ZNF138: variants seen among roughly 807,000 people sequenced by gnomAD.
The protein encoded by ZNF138 is zinc finger protein 138 (clone pHZ-32).
A neutral mutation model predicts 33.0 loss-of-function variants in ZNF138; 33 were observed. The observed-to-expected ratio is 1.00, with a 90% CI of 0.76 to 1.34. ZNF138 has a LOEUF of 1.34. Among genes scored for constraint, ZNF138 ranks in the 40% most tolerant of loss-of-function variants. The pLI, the probability that ZNF138 is intolerant of heterozygous loss-of-function variation, is 0.00. For missense variants in ZNF138, 360 were observed against 370.8 expected, an observed-to-expected ratio of 0.97 and a Z score of 0.24; for synonymous variants, 139 against 120.4, an observed-to-expected ratio of 1.15 and a Z score of -1.01.
the ZNF138 span, chr7:64,852,536 C>A: frequency 6.4e-7 from 1 of 1,573,082 alleles, no homozygotes; most frequent in Non-Finnish European, 8.7e-7. Flanking sequence ...GTGGTCTTCA[C>A]CATATTTGGG....
At chr7:64,827,820 C>A (rs899296417) in intron 3 of ZNF138, among the ~76,000 whole-genome samples, 6 of 151,936 alleles carry the variant, frequency 3.9e-5, no homozygotes, top group African/African-American at 9.7e-5. Flanking sequence ...AATTTTATAC[C>A]TGTGAGTTAG....
chr7:64,817,230 A>C (rs2129003496), intron 3 of ZNF138, among the ~76,000 whole-genome samples: 1 of 152,128 alleles, frequency 6.6e-6, no homozygotes. Flanking sequence ...CAAGGTCTGC[A>C]GGCCTGCCTG....
chr7:64,821,329 T>C (rs1789130482), intron 3 of ZNF138, among the ~76,000 whole-genome samples: 1 of 151,328 alleles, frequency 6.6e-6, no homozygotes, highest in African/African-American at 2.5e-5. Flanking sequence ...GACATTGTGA[T>C]CCACCCACCT....
chr7:64,811,292 G>C (rs995152362), intron 1 of ZNF138, among the ~76,000 whole-genome samples: 1 of 152,186 alleles, frequency 6.6e-6, no homozygotes, highest in Non-Finnish European at 1.5e-5. Flanking sequence ...AGTCCCTTCA[G>C]CACATAGTAC....
At chr7:64,798,906 C>G (rs1270611087) in intron 1 of ZNF138, among the ~76,000 whole-genome samples, 1 of 138,460 alleles carries the variant, frequency 7.2e-6, no homozygotes, top group Non-Finnish European at 1.5e-5. Context: ...GTTCTATGAG[C>G]CTTTTTTTTT....
chr7:64,797,572 C>T (rs62456797), intron 1 of ZNF138, among the ~76,000 whole-genome samples: 6,650 of 152,104 alleles, frequency 0.044, 208 homozygotes, highest in East Asian at 0.14. Flanking sequence ...CTGCGGATGT[C>T]GGAGCCTGCT....
At chr7:64,794,911 G>T (rs1487136847) in intron 1 of ZNF138, among the ~76,000 whole-genome samples, 1 of 152,116 alleles carries the variant, frequency 6.6e-6, no homozygotes, top group Non-Finnish European at 1.5e-5. Flanking sequence ...ATGGGAAGAG[G>T]TTTCCTCCGC....
intron 1 of ZNF138, among the ~76,000 whole-genome samples, chr7:64,806,526 G>C (rs1787612654): frequency 6.6e-6 from 1 of 152,116 alleles, no homozygotes; most frequent in African/African-American, 2.4e-5. Context: ...CACCCATCCA[G>C]TACCTAAATT....
At chr7:64,849,632 T>A in the ZNF138 span, among the ~76,000 whole-genome samples, 1 of 151,336 alleles carries the variant, frequency 6.6e-6, no homozygotes, top group Non-Finnish European at 1.5e-5. Context: ...CAGTGGGAAG[T>A]GGGGGTGTGG....
intron 1 of ZNF138, among the ~76,000 whole-genome samples, chr7:64,804,656 C>G (rs1188454322): frequency 6.6e-6 from 1 of 152,152 alleles, no homozygotes; most frequent in Non-Finnish European, 1.5e-5. Flanking sequence ...TGGCACATGC[C>G]TGTAATCCCA....
chr7:64,836,105 A>G (rs1050097752), downstream of ZNF138: 1 of 152,158 alleles, frequency 6.6e-6, no homozygotes, highest in Non-Finnish European at 1.5e-5. Context: ...GTCTGGTTAC[A>G]CCAAGAGGCA....
intron 3 of ZNF138, among the ~76,000 whole-genome samples, chr7:64,817,604 T>C (rs1456883536): frequency 6.6e-6 from 1 of 152,188 alleles, no homozygotes; most frequent in Non-Finnish European, 1.5e-5. Context: ...GAATGTACCA[T>C]GTAGCTGTCA....
At chr7:64,815,432 A>G in intron 2 of ZNF138, 144 bp from the exon 3 acceptor site, 1 of 575,928 alleles carries the variant, frequency 1.7e-6, no homozygotes, top group Non-Finnish European at 2.8e-6. Context: ...TTTCTGTTAT[A>G]TATTAGCATT....
chr7:64,854,280 G>A, the ZNF138 span, among the ~76,000 whole-genome samples: 1 of 152,194 alleles, frequency 6.6e-6, no homozygotes, highest in South Asian at 2.1e-4. Context: ...TCACTTCATT[G>A]CTCTGGCTGA....
At position 64,832,696 on chromosome 7, in the gene ZNF138, A is replaced by G; in HGVS notation, c.*494A>G. On this transcript the variant is annotated 3_prime_UTR_variant, in exon 4 of 4. Coordinates refer to ENST00000307355, the MANE Select transcript of ZNF138 (RefSeq NM_001271639.2). The stretch of plus-strand genomic sequence containing the variant: ...TGTGAACAGTGTGGCAAGGTCTTTA[A>G]GAAGTCCTCAACTCTTACTGCACAT... The G allele has an allele frequency of 2.3e-6, 1 of 431,348 alleles. No individual in the cohort carries two copies. Among genetic ancestry groups the G allele is most frequent in the Non-Finnish European group, 4.6e-6 (1 of 215,984 alleles). The allele number at this position is 431,348 out of a possible 1,614,324, so 26.7% of individuals were successfully genotyped here. A position where few individuals can be genotyped will look rare whatever the true frequency, so the allele number is the denominator to read the frequency against.
chr7:64,811,097 C>CT (rs1287960334), intron 1 of ZNF138, among the ~76,000 whole-genome samples: 2 of 152,114 alleles, frequency 1.3e-5, no homozygotes, highest in Non-Finnish European at 2.9e-5. Flanking sequence ...TCCCTCTCCT[C>CT]TGTCTATATT....
intron 1 of ZNF138, among the ~76,000 whole-genome samples, chr7:64,803,306 C>T (rs1028431538): frequency 2.2e-5 from 3 of 137,916 alleles, no homozygotes; most frequent in African/African-American, 8.0e-5. Flanking sequence ...AAGGTAGACA[C>T]AGATTTGTTT....
intron 1 of ZNF138, among the ~76,000 whole-genome samples, chr7:64,802,799 G>T (rs1200822908): frequency 3.3e-5 from 5 of 151,920 alleles, no homozygotes; most frequent in South Asian, 2.1e-4. Context: ...TTACCCTAAG[G>T]TGTTTCTGTT....
intron 1 of ZNF138, among the ~76,000 whole-genome samples, chr7:64,811,342 AT>A (rs1425073536): frequency 6.6e-6 from 1 of 152,028 alleles, no homozygotes; most frequent in Non-Finnish European, 1.5e-5. Context: ...TGAAAATGTT[AT>A]TTTTCTTTTC....
Sources: allele counts gnomAD v4.1 joint callset (sites outside exome capture counted in the v4.1 genomes callset), GRCh38; gene constraint gnomAD v4.1.1; transcripts MANE v1.5; gene names NCBI Gene and HGNC (gene_info 2026-07-23, HGNC 2026-07-21).